WWC1: variants seen among roughly 807,000 people sequenced by gnomAD.
WWC1 encodes the protein protein KIBRA.
WWC1 carries 55 observed loss-of-function variants against 138.4 expected under a neutral mutation model. The observed-to-expected ratio is 0.40, with a 90% CI of 0.32 to 0.50. The LOEUF (loss-of-function observed/expected upper bound fraction) is 0.50. WWC1 is among the 20% of genes least tolerant of loss of function. The pLI, the probability that WWC1 is intolerant of heterozygous loss-of-function variation, is 0.72. For missense variants in WWC1, 1,226 were observed against 1,420.4 expected (o/e 0.86, Z 2.20); for synonymous variants, 524 against 564.9 (o/e 0.93, Z 1.03).
At chr5:168,387,653 A>G (rs772920780) in intron 3 of WWC1, among the ~76,000 whole-genome samples, 1 of 152,144 alleles carries the variant, frequency 6.6e-6, no homozygotes, top group African/African-American at 2.4e-5. Flanking sequence ...CTTGCAGACA[A>G]CTGCCTTCTC....
chr5:168,446,010 T>G (rs1755227210), intron 17 of WWC1, among the ~76,000 whole-genome samples: 1 of 152,148 alleles, frequency 6.6e-6, no homozygotes, highest in Non-Finnish European at 1.5e-5. Flanking sequence ...CTTAGCCACT[T>G]AGCCTGCCTA....
At chr5:168,330,046 G>T (rs912809554) in intron 1 of WWC1, among the ~76,000 whole-genome samples, 2 of 152,166 alleles carry the variant, frequency 1.3e-5, no homozygotes, top group African/African-American at 4.8e-5. Flanking sequence ...GGAGGTGGAG[G>T]CTGCAGTGAG....
chr5:168,298,160 T>C (rs1348424810), intron 1 of WWC1, among the ~76,000 whole-genome samples: 1 of 152,106 alleles, frequency 6.6e-6, no homozygotes, highest in African/African-American at 2.4e-5. Flanking sequence ...TGCCTCAGCC[T>C]CCCGAGTAGC....
intron 1 of WWC1, among the ~76,000 whole-genome samples, chr5:168,367,394 G>C (rs2042214): frequency 0.59 from 90,008 of 151,302 alleles, 26,960 homozygotes; most frequent in South Asian, 0.68. Context: ...TGCAGTGGCG[G>C]GATCTCGGCT....
intron 9 of WWC1, chr5:168,416,596 C>T (rs187200852): frequency 1.8e-4 from 27 of 152,390 alleles, no homozygotes; most frequent in African/African-American, 6.5e-4. Flanking sequence ...GTAATTGCCA[C>T]TGGGAAGCCC....
intron 1 of WWC1, among the ~76,000 whole-genome samples, chr5:168,352,848 TG>T (rs1775091913): frequency 6.6e-6 from 1 of 152,252 alleles, no homozygotes; most frequent in East Asian, 1.9e-4. Context: ...CCTCTCAAAT[TG>T]CTGGGATTAC....
intron 1 of WWC1, among the ~76,000 whole-genome samples, chr5:168,346,728 T>C (rs1774508441): frequency 6.6e-6 from 1 of 152,166 alleles, no homozygotes; most frequent in Admixed American, 6.5e-5. Flanking sequence ...TGGTATGCTG[T>C]GAGTGAGATT....
intron 6 of WWC1, among the ~76,000 whole-genome samples, chr5:168,407,052 A>G (rs1240841171): frequency 5.3e-5 from 8 of 152,150 alleles, no homozygotes; most frequent in Non-Finnish European, 7.4e-5. Context: ...TTAGCCTCCC[A>G]AAGTGCTGGG....
Position 168,364,315 on chromosome 5 carries a change from C to T in WWC1, c.120-7109C>T, listed in dbSNP as rs369707712. Among the ~76,000 whole-genome samples the T allele has an allele frequency of 1.2e-3, 186 of 152,276 alleles. 9 individuals carry two copies. The South Asian group carries it at 0.037, about 30-fold the overall frequency. On this transcript the variant is annotated intron_variant, in intron 1 of 22. Transcript: ENST00000265293. ...ACCACAGCTCTTTCCTCCTCCCCTC[C>T]CCAGCCCTCCCTGACTACACCCCAT...
At chr5:168,414,065 G>T (rs1304572297) in intron 8 of WWC1, 5 of 397,474 alleles carry the variant, frequency 1.3e-5, no homozygotes, top group Non-Finnish European at 2.3e-5. Flanking sequence ...AGAGGTTAGT[G>T]CCTGGTGATG....
rs3733981 is a variant in WWC1 at position 168,441,774 on chromosome 5, A to G, written c.2373A>G (p.Lys791=). 603,867 of 1,613,548 alleles carry G rather than the reference A, an allele frequency of 0.37. 120,690 individuals are homozygous for G. The highest frequency in any genetic ancestry group is 0.71 in the African/African-American group (53,430 of 74,958). ...YNLLSYKYLK[K]QSRELKPVGV... Reference sequence around the variant, plus strand: ...TTCTCAGCTACAAATACTTGAAGAAACAGAGCAGGGAGCTCAAGCCAGTGG... The same window carrying G: ...TTCTCAGCTACAAATACTTGAAGAAGCAGAGCAGGGAGCTCAAGCCAGTGG... Residue 791 remains lysine (K), a synonymous_variant, in exon 16 of 23, where the codon AAA becomes AAG. Coordinates refer to ENST00000265293, the MANE Select transcript of WWC1 (RefSeq NM_015238.3).
chr5:168,352,077 C>T (rs1459014455), intron 1 of WWC1, among the ~76,000 whole-genome samples: 4 of 152,140 alleles, frequency 2.6e-5, no homozygotes, highest in East Asian at 3.9e-4. Context: ...CCTCAAAGGG[C>T]GGTCAGGAGC....
intron 9 of WWC1, among the ~76,000 whole-genome samples, chr5:168,420,400 G>C (rs1366938061): frequency 6.6e-6 from 1 of 152,066 alleles, no homozygotes; most frequent in Non-Finnish European, 1.5e-5. Context: ...ATTAGAGTCT[G>C]CCCTACTGAC....
chr5:168,305,916 G>A (rs1770519085), intron 1 of WWC1, among the ~76,000 whole-genome samples: 1 of 152,166 alleles, frequency 6.6e-6, no homozygotes, highest in Admixed American at 6.5e-5. Context: ...ATAGCTGTAG[G>A]TAAATATCTG....
intron 21 of WWC1, 27 bp from the exon 22 acceptor site, chr5:168,467,813 A>T: frequency 6.2e-7 from 1 of 1,613,964 alleles, no homozygotes; most frequent in Non-Finnish European, 8.5e-7. Context: ...CCCTCCACTG[A>T]CTCAGGGCCT....
chr5:168,318,621 G>A (rs192280495), intron 1 of WWC1, among the ~76,000 whole-genome samples: 52 of 149,778 alleles, frequency 3.5e-4, no homozygotes, highest in Admixed American at 1.5e-3. Context: ...GTTCAATGGC[G>A]TGGTCTCAGC....
chr5:168,434,528 A>G (rs753110102), intron 15 of WWC1, among the ~76,000 whole-genome samples: 17 of 152,164 alleles, frequency 1.1e-4, no homozygotes, highest in Admixed American at 2.6e-4. Flanking sequence ...AATCTTCGTG[A>G]TGGCCCCAGG....
chr5:168,311,180 C>T (rs540473181), intron 1 of WWC1, among the ~76,000 whole-genome samples: 9 of 152,308 alleles, frequency 5.9e-5, no homozygotes, highest in Non-Finnish European at 1.2e-4. Context: ...CCCCTCCCCT[C>T]CCAGGCAGCA....
At chr5:168,310,187 TAAG>T (rs776218645) in intron 1 of WWC1, among the ~76,000 whole-genome samples, 6 of 152,192 alleles carry the variant, frequency 3.9e-5, no homozygotes, top group African/African-American at 7.2e-5. Context: ...TTAAGTGTCT[TAAG>T]AAGACCTTTC....
Sources: allele counts gnomAD v4.1 joint callset (sites outside exome capture counted in the v4.1 genomes callset), GRCh38; gene constraint gnomAD v4.1.1; transcripts MANE v1.5; gene names NCBI Gene and HGNC (gene_info 2026-07-23, HGNC 2026-07-21).